The following PCDH9 variants were observed in gnomAD, a reference collection of about 807,000 sequenced individuals.
The protein encoded by PCDH9 is protocadherin-9.
A neutral mutation model predicts 70.6 loss-of-function variants in PCDH9; 24 were observed. The ratio of observed to expected loss-of-function variants is 0.34; its 90% CI spans 0.25 to 0.48. PCDH9 has a LOEUF of 0.48. Among genes scored for constraint, PCDH9 ranks in the 20% least tolerant of loss-of-function variants. The pLI is 0.99. For synonymous variants in PCDH9, 562 were observed against 558.5 expected (o/e 1.01, Z -0.09); for missense variants, 1,281 against 1,503.6 (o/e 0.85, Z 2.45).
chr13:66,698,450 G>T (rs1277641233), intron 3 of PCDH9, among the ~76,000 whole-genome samples: 1 of 152,062 alleles, frequency 6.6e-6, no homozygotes, highest in Non-Finnish European at 1.5e-5. Flanking sequence ...TTTACATAGT[G>T]CTACTACTAT....
intron 3 of PCDH9, among the ~76,000 whole-genome samples, chr13:66,672,434 A>G (rs2078188379): frequency 6.6e-6 from 1 of 152,160 alleles, no homozygotes; most frequent in Non-Finnish European, 1.5e-5. Flanking sequence ...GAGGTGTGCT[A>G]TGGGGAAGAG....
chr13:66,342,268 G>A (rs960320371), intron 4 of PCDH9, among the ~76,000 whole-genome samples: 1 of 152,204 alleles, frequency 6.6e-6, no homozygotes, highest in African/African-American at 2.4e-5. Flanking sequence ...TTAAGTGTGA[G>A]AATTGCTACT....
At chr13:66,459,017 G>A (rs1180984198) in intron 4 of PCDH9, among the ~76,000 whole-genome samples, 1 of 151,896 alleles carries the variant, frequency 6.6e-6, no homozygotes, top group Non-Finnish European at 1.5e-5. Context: ...GGCAGGGGAG[G>A]GGGAGCAGAG....
At position 66,906,932 on chromosome 13, in the gene PCDH9, G is replaced by A. The variant is rs147761757; in HGVS notation, c.3037-3327C>T. 8.3e-3 allele frequency among the ~76,000 whole-genome samples: 1,259 copies of A among 151,978 alleles called. 20 individuals are homozygous for A. The highest frequency in any genetic ancestry group is 0.028 in the African/African-American group (1,165 of 41,450). ...TTTATTTTAAAAGTCTCGGCTGGGC[G>A]CAGTGGCTCACGCCTGTAATCCCAG... On this transcript the variant is annotated intron_variant, in intron 2 of 4. Transcript: ENST00000377865.
chr13:67,040,474 T>C (rs1267065890), intron 2 of PCDH9, among the ~76,000 whole-genome samples: 3 of 152,108 alleles, frequency 2.0e-5, no homozygotes, highest in African/African-American at 7.2e-5. Context: ...GAGAGCTCTC[T>C]TGCTCTCTTT....
In PCDH9 at chr13:67,227,268, C is replaced by T. The variant is rs139934102; in HGVS notation, c.1173G>A (p.Lys391=). ...TCACTTTGCCATTCACATCTGTGTC[C>T]TTATCTGAAACTGTAATTAGGGCAA... ...TKIALITVSD[K]DTDVNGKVIC... is the part of the protein sequence containing the mutation. Residue 391 remains lysine (K), a synonymous_variant, in exon 2 of 5, where the codon AAG becomes AAA. Transcript: ENST00000377865. This position sits in a 1 kb window ranked among gnomAD's most constrained non-coding sequence, Gnocchi z 4.6. 8.7e-4 allele frequency: 1,411 copies of T among 1,613,270 alleles called. 17 individuals are homozygous for T. The African/African-American group carries it at 0.017, about 19-fold the overall frequency.
intron 3 of PCDH9, among the ~76,000 whole-genome samples, chr13:66,659,527 CTTAAG>C (rs2139012008): frequency 1.7e-5 from 1 of 60,110 alleles, no homozygotes; most frequent in South Asian, 5.5e-4. Flanking sequence ...TATCCCTCCA[CTTAAG>C]TTATGTTTGT....
intron 3 of PCDH9, among the ~76,000 whole-genome samples, chr13:66,706,019 G>T (rs899036815): frequency 6.6e-6 from 1 of 152,100 alleles, no homozygotes; most frequent in East Asian, 1.9e-4. Context: ...CTTTGATTGC[G>T]GGAGTATAGA....
intron 2 of PCDH9, among the ~76,000 whole-genome samples, chr13:66,954,715 A>C (rs2083239930): frequency 6.6e-6 from 1 of 152,140 alleles, no homozygotes; most frequent in Admixed American, 6.6e-5. Context: ...ACAGACCAAG[A>C]ATAGGGGCCC....
intron 4 of PCDH9, among the ~76,000 whole-genome samples, chr13:66,592,659 GT>G (rs2077052760): frequency 6.6e-6 from 1 of 151,584 alleles, no homozygotes; most frequent in Admixed American, 6.6e-5. Context: ...TAACTGGTTT[GT>G]TTGAACCTTT....
intron 2 of PCDH9, among the ~76,000 whole-genome samples, chr13:67,006,847 T>C (rs928218608): frequency 3.3e-5 from 5 of 152,152 alleles, no homozygotes; most frequent in Non-Finnish European, 4.4e-5. Context: ...AATGACTTCA[T>C]TACAATTTCA....
At chr13:66,515,631 G>A (rs1959695700) in intron 4 of PCDH9, among the ~76,000 whole-genome samples, 2 of 151,872 alleles carry the variant, frequency 1.3e-5, no homozygotes, top group Non-Finnish European at 1.5e-5. Context: ...CTAGGTCCAT[G>A]TAGTATGCAC....
intron 4 of PCDH9, among the ~76,000 whole-genome samples, chr13:66,445,241 C>T: frequency 6.8e-6 from 1 of 146,792 alleles, no homozygotes; most frequent in East Asian, 2.0e-4. Context: ...TATCTCAATA[C>T]AGTTGGAAGG....
intron 2 of PCDH9, among the ~76,000 whole-genome samples, chr13:67,000,797 G>A (rs540777762): frequency 8.2e-4 from 124 of 152,132 alleles, no homozygotes; most frequent in Non-Finnish European, 1.5e-3. Flanking sequence ...AATTCATGAC[G>A]AAGTGATTAT....
At chr13:66,585,885 A>G (rs987394918) in intron 4 of PCDH9, among the ~76,000 whole-genome samples, 1 of 152,176 alleles carries the variant, frequency 6.6e-6, no homozygotes. Flanking sequence ...TAAGACAAAG[A>G]GACAAAAAGT....
chr13:66,806,661 T>C (rs2080415233), intron 3 of PCDH9, among the ~76,000 whole-genome samples: 1 of 152,186 alleles, frequency 6.6e-6, no homozygotes, highest in Non-Finnish European at 1.5e-5. Context: ...GTACAAATTC[T>C]TGCTTACTTT....
chr13:66,867,069 TC>T (rs1317967708), intron 3 of PCDH9, among the ~76,000 whole-genome samples: 3 of 151,810 alleles, frequency 2.0e-5, no homozygotes, highest in Non-Finnish European at 4.4e-5. Context: ...GCTGTATTGC[TC>T]TTTCAGTTTT....
At position 67,135,823 on chromosome 13, in the gene PCDH9, T is replaced by C. The variant is rs146212888; in HGVS notation, c.3036+89582A>G. On this transcript the variant is annotated intron_variant, in intron 2 of 4. Coordinates refer to ENST00000377865, the MANE Select transcript of PCDH9 (RefSeq NM_203487.3). ...TTTTTCTTTCAGATTTTTTCTCTCA[T>C]ATAATGCCTTCTTAAACAGTGGGAG... Among the ~76,000 whole-genome samples the C allele has an allele frequency of 1.0e-3, 155 of 152,234 alleles. 1 individual carries two copies. The highest frequency in any genetic ancestry group is 3.5e-3 in the African/African-American group (147 of 41,572).
At chr13:66,670,904 T>A (rs556079760) in intron 3 of PCDH9, among the ~76,000 whole-genome samples, 1 of 136,284 alleles carries the variant, frequency 7.3e-6, no homozygotes, top group Non-Finnish European at 1.6e-5. Context: ...CATGACTGTG[T>A]TCTTATTTAA....
Sources: gnomAD v4.1 joint callset for allele counts (sites outside exome capture counted in the v4.1 genomes callset) on GRCh38, gnomAD v4.1.1 for gene constraint, Gnocchi (gnomAD v3.1) non-coding constraint, MANE v1.5 for transcripts, NCBI Gene and HGNC (gene_info 2026-07-23, HGNC 2026-07-21) for gene names.